LINGO2: variants seen among roughly 807,000 people sequenced by gnomAD.
LINGO2 encodes the protein leucine rich repeat and Ig domain containing 2, also known as leucine-rich repeat and immunoglobulin-like domain-containing nogo receptor-interacting protein 2.
A neutral mutation model predicts 30.6 loss-of-function variants in LINGO2; 14 were observed. The observed-to-expected ratio is 0.46, with a 90% CI of 0.30 to 0.72. The LOEUF (loss-of-function observed/expected upper bound fraction) is 0.72, where lower values mean the gene tolerates loss of function less well. Among genes scored for constraint, LINGO2 ranks in the 30% least tolerant of loss-of-function variants. The pLI is 0.07. For synonymous variants in LINGO2, 317 were observed against 288.5 expected (o/e 1.10, Z -1.00); for missense variants, 729 against 751.7 (o/e 0.97, Z 0.35).
chr9:28,538,611 A>C (rs551956463), intron 1 of LINGO2, among the ~76,000 whole-genome samples: 1 of 152,318 alleles, frequency 6.6e-6, no homozygotes, highest in South Asian at 2.1e-4. Flanking sequence ...TATTTCTCAC[A>C]GTTCCAGAGG....
At position 28,025,733 on chromosome 9, in the gene LINGO2, G is replaced by C. The variant is rs540714690; in HGVS notation, c.-86-13328C>G. ...AATTGTTAGATCAGAAAAGCATACA[G>C]ATTTGAAGAGAGACATCAGGGTAGG... On this transcript the variant is annotated intron_variant, in intron 4 of 5. Transcript: ENST00000379992. 2.6e-5 allele frequency among the ~76,000 whole-genome samples: 4 copies of C among 152,274 alleles called. No individual in the cohort carries two copies. The South Asian group carries it at 8.3e-4, about 32-fold the overall frequency.
At chr9:29,194,811 T>C in the LINGO2 span, among the ~76,000 whole-genome samples, 1 of 152,198 alleles carries the variant, frequency 6.6e-6, no homozygotes, top group African/African-American at 2.4e-5. Flanking sequence ...AAAATAATAA[T>C]ACAATATCAC....
the LINGO2 span, among the ~76,000 whole-genome samples, chr9:28,886,451 T>C: frequency 1.3e-5 from 2 of 152,148 alleles, no homozygotes; most frequent in Non-Finnish European, 2.9e-5. Flanking sequence ...TAATGGTATT[T>C]AATTAAAATG....
At chr9:28,381,879 A>G (rs763850688) in intron 2 of LINGO2, among the ~76,000 whole-genome samples, 2 of 152,046 alleles carry the variant, frequency 1.3e-5, no homozygotes, top group Non-Finnish European at 2.9e-5. Context: ...TTAGGCCACC[A>G]TTTACATTTT....
rs144611685 is a variant in LINGO2, at chr9:28,081,852, C to T, written c.-86-69447G>A. 2.4e-3 allele frequency among the ~76,000 whole-genome samples: 370 copies of T among 152,200 alleles called. 2 individuals carry two copies. The highest frequency in any genetic ancestry group is 8.5e-3 in the African/African-American group (352 of 41,526). On this transcript the variant is annotated intron_variant, in intron 4 of 5. Coordinates refer to ENST00000379992, the Ensembl canonical transcript of LINGO2. ...TTGTTTTTTTTTCTAAAGTAAATGG[C>T]CTTTTTCTTTTTTATGTCATATAAA...
At chr9:28,004,882 G>A (rs1006579170) in intron 5 of LINGO2, among the ~76,000 whole-genome samples, 1 of 152,134 alleles carries the variant, frequency 6.6e-6, no homozygotes, top group African/African-American at 2.4e-5. Flanking sequence ...GTATATAAGA[G>A]GAGTTCCTTC....
chr9:29,072,522 G>A, the LINGO2 span, among the ~76,000 whole-genome samples: 1 of 151,014 alleles, frequency 6.6e-6, no homozygotes, highest in East Asian at 2.0e-4. Flanking sequence ...AATTATATGT[G>A]TATTTTATAT....
rs183971247 is a variant in LINGO2, at chr9:28,492,422, T to C, written c.-364-16397A>G. On this transcript the variant is annotated intron_variant, in intron 1 of 5. Coordinates refer to ENST00000379992, the Ensembl canonical transcript of LINGO2. ...GGAAGAATCCAAAAGTACAGCAAAGTATGTGTATAATATAAATGTTGCCAC... is the reference window on the plus strand; with the variant it reads ...GGAAGAATCCAAAAGTACAGCAAAGCATGTGTATAATATAAATGTTGCCAC... Among the ~76,000 whole-genome samples the C allele has an allele frequency of 4.6e-5, 7 of 152,292 alleles. No individual in the cohort carries two copies. The East Asian group carries it at 1.2e-3, about 25-fold the overall frequency.
the LINGO2 span, among the ~76,000 whole-genome samples, chr9:29,085,585 G>A: frequency 6.6e-6 from 1 of 151,964 alleles, no homozygotes. Context: ...ACCTCTAATA[G>A]TTTTGGCCTG....
At chr9:29,097,762 T>C in the LINGO2 span, among the ~76,000 whole-genome samples, 3 of 138,984 alleles carry the variant, frequency 2.2e-5, no homozygotes, top group African/African-American at 5.4e-5. Flanking sequence ...GCATGCCCCT[T>C]CACTAGAGAT....
intron 4 of LINGO2, among the ~76,000 whole-genome samples, chr9:28,235,257 A>T (rs1821518890): frequency 6.6e-6 from 1 of 152,184 alleles, no homozygotes; most frequent in Non-Finnish European, 1.5e-5. Context: ...ATTCTTCAGG[A>T]TCTTATCCAA....
the LINGO2 span, among the ~76,000 whole-genome samples, chr9:28,848,048 TATATATATATATATGTATATA>T: frequency 1.9e-3 from 23 of 12,328 alleles, 5 homozygotes; most frequent in Non-Finnish European, 3.4e-3. Flanking sequence ...ATATATAGTA[TATATATATATATATGTATATA>T]ATATATATAT....
At chr9:28,517,618 C>T (rs1408622320) in intron 1 of LINGO2, among the ~76,000 whole-genome samples, 1 of 152,192 alleles carries the variant, frequency 6.6e-6, no homozygotes, top group African/African-American at 2.4e-5. Context: ...AATTAAAGAG[C>T]ATTTGGAAAG....
At chr9:28,665,856 T>C (rs1386315699) in intron 1 of LINGO2, among the ~76,000 whole-genome samples, 3 of 151,974 alleles carry the variant, frequency 2.0e-5, no homozygotes, top group African/African-American at 7.2e-5. Context: ...GTATATATTT[T>C]ATGATGAGTA....
At chr9:28,343,277 G>A (rs1479789120) in intron 3 of LINGO2, among the ~76,000 whole-genome samples, 3 of 152,106 alleles carry the variant, frequency 2.0e-5, no homozygotes, top group Non-Finnish European at 2.9e-5. Context: ...GACATAAATT[G>A]CCAATAGCAG....
chr9:29,061,508 G>C, the LINGO2 span, among the ~76,000 whole-genome samples: 1 of 151,848 alleles, frequency 6.6e-6, no homozygotes, highest in Non-Finnish European at 1.5e-5. Context: ...ATGAAATAGA[G>C]TCTAGTCCAG....
chr9:28,561,842 A>G (rs1176216981), intron 1 of LINGO2, among the ~76,000 whole-genome samples: 1 of 148,500 alleles, frequency 6.7e-6, no homozygotes, highest in African/African-American at 2.5e-5. Flanking sequence ...TAAGCTTCAC[A>G]CTCCTACAGA....
chr9:28,250,987 T>A (rs1290666911), intron 4 of LINGO2, among the ~76,000 whole-genome samples: 1 of 152,114 alleles, frequency 6.6e-6, no homozygotes, highest in African/African-American at 2.4e-5. Context: ...GGGGAACCTG[T>A]TCTTCGCCTC....
chr9:28,292,245 T>G (rs1382547323), intron 4 of LINGO2, among the ~76,000 whole-genome samples: 1 of 152,130 alleles, frequency 6.6e-6, no homozygotes, highest in Non-Finnish European at 1.5e-5. Flanking sequence ...CCAAGTAAAC[T>G]TGGGCAATTT....
Sources: gnomAD v4.1 joint callset for allele counts (sites outside exome capture counted in the v4.1 genomes callset) on GRCh38, gnomAD v4.1.1 for gene constraint, MANE v1.5 for transcripts, NCBI Gene and HGNC (gene_info 2026-07-23, HGNC 2026-07-21) for gene names.